The following ATF3 variants were observed in gnomAD, a reference collection of about 807,000 sequenced individuals.
ATF3 encodes the protein activating transcription factor 3, also known as cyclic AMP-dependent transcription factor ATF-3.
Under a neutral mutation model 18.4 loss-of-function variants are expected in ATF3, and 10 were observed. The ratio of observed to expected loss-of-function variants is 0.54; its 90% CI spans 0.34 to 0.92. The LOEUF (loss-of-function observed/expected upper bound fraction) is 0.92, where lower values mean the gene tolerates loss of function less well. Ranked by LOEUF, ATF3 falls within the 40% of genes least tolerant of loss-of-function variation. ATF3 has a pLI of 0.02. For missense variants in ATF3, 183 were observed against 222.3 expected (o/e 0.82, Z 1.12); for synonymous variants, 78 against 87.9 (o/e 0.89, Z 0.63).
chr1:212,578,746 G>A (rs921549410), intron 1 of ATF3, among the ~76,000 whole-genome samples: 8 of 152,046 alleles, frequency 5.3e-5, no homozygotes, highest in African/African-American at 1.9e-4. Flanking sequence ...GTTTTGTTTG[G>A]TTTTCTGTCT....
At chr1:212,602,276 T>C (rs1654502659) in intron 1 of ATF3, among the ~76,000 whole-genome samples, 1 of 152,178 alleles carries the variant, frequency 6.6e-6, no homozygotes, top group Non-Finnish European at 1.5e-5. Flanking sequence ...GGTGCTCTTC[T>C]TACAATCAGC....
intron 1 of ATF3, among the ~76,000 whole-genome samples, chr1:212,578,254 C>T (rs1306654371): frequency 6.6e-6 from 1 of 152,168 alleles, no homozygotes; most frequent in African/African-American, 2.4e-5. Flanking sequence ...TCATTTCCTC[C>T]TTTCTCTTCT....
chr1:212,595,916 C>T (rs1396593121), intron 1 of ATF3, among the ~76,000 whole-genome samples: 1 of 152,092 alleles, frequency 6.6e-6, no homozygotes, highest in Non-Finnish European at 1.5e-5. Flanking sequence ...TATAATGAAA[C>T]AGCAGTTTTG....
chr1:212,615,925 G>A (rs1655103794), intron 2 of ATF3, among the ~76,000 whole-genome samples: 1 of 151,532 alleles, frequency 6.6e-6, no homozygotes, highest in Non-Finnish European at 1.5e-5. Flanking sequence ...AAAACACTGG[G>A]ATCACAGGGA....
At chr1:212,600,674 T>A (rs1654456118) in intron 1 of ATF3, among the ~76,000 whole-genome samples, 1 of 152,250 alleles carries the variant, frequency 6.6e-6, no homozygotes, top group Non-Finnish European at 1.5e-5. Flanking sequence ...CATCAGCTCT[T>A]GCCAGCTTTC....
chr1:212,589,683 C>CA (rs59930174), intron 1 of ATF3, among the ~76,000 whole-genome samples: 42,567 of 124,188 alleles, frequency 0.34, 6,558 homozygotes, highest in African/African-American at 0.44. Context: ...GACACCGTCT[C>CA]AAAAAAAAAA....
intron 1 of ATF3, among the ~76,000 whole-genome samples, chr1:212,586,057 G>T (rs1664774152): frequency 6.6e-6 from 1 of 152,158 alleles, no homozygotes; most frequent in South Asian, 2.1e-4. Flanking sequence ...CTGGGGTCCT[G>T]CCCGTGGGCA....
At position 212,618,349 on chromosome 1, in the gene ATF3, G is replaced by T; in HGVS notation, c.348+115G>T. ...CTACTTGGTTATAGTTTCCCAAGAA[G>T]GGCCTTGTAGCTGGTAGCAGAAATG... On this transcript the variant is annotated intron_variant, in intron 3 of 3. Coordinates refer to ENST00000341491, the MANE Select transcript of ATF3 (RefSeq NM_001674.4). The surrounding 1 kb of genome is among the most constrained non-coding windows in gnomAD (Gnocchi z 4.4). 1 of 1,081,938 alleles carries T rather than the reference G, an allele frequency of 9.2e-7. No homozygotes were observed. The highest frequency in any genetic ancestry group is 1.3e-5 in the South Asian group (1 of 79,022). The allele number at this position is 1,081,938 out of a possible 1,614,324, so 67.0% of individuals were successfully genotyped here. A position where few individuals can be genotyped will look rare whatever the true frequency, so the allele number is the denominator to read the frequency against.
At chr1:212,580,412 C>G (rs921644451) in intron 1 of ATF3, among the ~76,000 whole-genome samples, 1 of 151,826 alleles carries the variant, frequency 6.6e-6, no homozygotes, top group Admixed American at 6.6e-5. Flanking sequence ...CCTCCCAGGC[C>G]CAAGTGACCC....
chr1:212,573,910 C>T (rs1280675743), intron 1 of ATF3, among the ~76,000 whole-genome samples: 1 of 150,978 alleles, frequency 6.6e-6, no homozygotes, highest in Non-Finnish European at 1.5e-5. Flanking sequence ...TGCTGAACCT[C>T]CCCTTTTTAT....
Position 212,618,263 on chromosome 1 carries a change from C to T in ATF3, c.348+29C>T, listed in dbSNP as rs937379310. On this transcript the variant is annotated intron_variant, in intron 3 of 3. Coordinates refer to ENST00000341491, the MANE Select transcript of ATF3 (RefSeq NM_001674.4). The surrounding 1 kb of genome is among the most constrained non-coding windows in gnomAD (Gnocchi z 4.4). ...AGTGCCTTCTAGCCTTACCCTTCCT[C>T]TCGCTCACGCCTGTCTTCACCAGCT... The T allele has an allele frequency of 6.2e-7, 1 of 1,602,952 alleles. No individual in the cohort carries two copies. The highest frequency in any genetic ancestry group is 1.3e-5 in the African/African-American group (1 of 74,678).
chr1:212,584,006 G>A (rs998231267), intron 1 of ATF3, among the ~76,000 whole-genome samples: 2 of 152,104 alleles, frequency 1.3e-5, no homozygotes, highest in African/African-American at 4.8e-5. Context: ...TAGGTGAAAC[G>A]CAAGAAAGCC....
chr1:212,567,061 C>T (rs1266868933), intron 1 of ATF3, among the ~76,000 whole-genome samples: 1 of 152,160 alleles, frequency 6.6e-6, no homozygotes, highest in Non-Finnish European at 1.5e-5. Context: ...GCAGCGAAAG[C>T]GAAATTGGCC....
At chr1:212,592,527 T>G (rs905345192) in intron 1 of ATF3, among the ~76,000 whole-genome samples, 1 of 151,604 alleles carries the variant, frequency 6.6e-6, no homozygotes, top group African/African-American at 2.4e-5. Flanking sequence ...TAACCTACCA[T>G]ATTCTTTCTC....
intron 1 of ATF3, among the ~76,000 whole-genome samples, chr1:212,609,886 C>T (rs577435412): frequency 6.6e-6 from 1 of 152,348 alleles, no homozygotes; most frequent in African/African-American, 2.4e-5. Flanking sequence ...GCAGTACCGG[C>T]CCCCTCTGCG....
chr1:212,583,256 C>T (rs1253847542), intron 1 of ATF3, among the ~76,000 whole-genome samples: 1 of 152,054 alleles, frequency 6.6e-6, no homozygotes, highest in Non-Finnish European at 1.5e-5. Flanking sequence ...TGGGATCTCG[C>T]TATGTTGCCC....
intron 1 of ATF3, among the ~76,000 whole-genome samples, chr1:212,590,312 T>C (rs1664858390): frequency 6.6e-6 from 1 of 152,090 alleles, no homozygotes; most frequent in Non-Finnish European, 1.5e-5. Context: ...ATTTTGGTCT[T>C]GGTGTTTGTA....
chr1:212,591,588 G>A (rs17019411), intron 1 of ATF3, among the ~76,000 whole-genome samples: 6,631 of 152,220 alleles, frequency 0.044, 168 homozygotes, highest in Middle Eastern at 0.058. Context: ...GCTGGGCTCA[G>A]CTACGTTTGT....
At position 212,619,304 on chromosome 1, in the gene ATF3, C is replaced by T; in HGVS notation, c.349-54C>T. 1.2e-6 allele frequency: 2 copies of T among 1,612,006 alleles called. No homozygotes were observed. The highest frequency in any genetic ancestry group is 2.2e-5 in the East Asian group (1 of 44,862). On this transcript the variant is annotated intron_variant, in intron 3 of 3. Transcript: ENST00000341491. The surrounding 1 kb of genome is among the most constrained non-coding windows in gnomAD (Gnocchi z 4.4). ...ATCCAGGCAGCAGCCCAGGCCACCCCCTCCTCACTGGCCCTTGGCTCCTTT... is the reference window on the plus strand; with the variant it reads ...ATCCAGGCAGCAGCCCAGGCCACCCTCTCCTCACTGGCCCTTGGCTCCTTT...
Sources: gnomAD v4.1 joint callset for allele counts (sites outside exome capture counted in the v4.1 genomes callset) on GRCh38, gnomAD v4.1.1 for gene constraint, Gnocchi (gnomAD v3.1) non-coding constraint, MANE v1.5 for transcripts, NCBI Gene and HGNC (gene_info 2026-07-23, HGNC 2026-07-21) for gene names.